SLC38A10: variants seen among roughly 807,000 people sequenced by gnomAD.
SLC38A10 encodes the protein Sodium-coupled neutral amino acid transporter 10.
Under a neutral mutation model 81.0 loss-of-function variants are expected in SLC38A10, and 53 were observed. The observed-to-expected ratio is 0.65, with a 90% CI of 0.53 to 0.82. The LOEUF (loss-of-function observed/expected upper bound fraction) is 0.82. SLC38A10 is among the 40% of genes least tolerant of loss of function. The pLI is 0.00. For synonymous variants in SLC38A10, 665 were observed against 655.3 expected (o/e 1.01, Z -0.23); for missense variants, 1,471 against 1,545.0 (o/e 0.95, Z 0.80).
chr17:81,247,264 G>T, intron 14 of SLC38A10: 1 of 486,204 alleles, frequency 2.1e-6, no homozygotes, highest in Non-Finnish European at 3.4e-6. Context: ...GGGCCCGGGA[G>T]AGGCTGCGCC....
chr17:81,255,104 G>A (rs778217160), intron 11 of SLC38A10, among the ~76,000 whole-genome samples: 9 of 152,250 alleles, frequency 5.9e-5, no homozygotes, highest in Non-Finnish European at 1.2e-4. Flanking sequence ...GGTGAGCCGG[G>A]AGCTGCCCCA....
At chr17:81,285,537 T>C (rs1331100512) in intron 2 of SLC38A10, 1 of 152,152 alleles carries the variant, frequency 6.6e-6, no homozygotes, top group East Asian at 1.9e-4. Flanking sequence ...GAGCCGCCAT[T>C]CTCTCCGCCC....
intron 14 of SLC38A10, chr17:81,251,243 T>C: frequency 1.4e-6 from 2 of 1,459,474 alleles, no homozygotes; most frequent in Non-Finnish European, 1.8e-6. Flanking sequence ...GATAAAACGG[T>C]AATCACAAGC....
Position 81,264,739 on chromosome 17 carries a change from T to G in SLC38A10, c.1132-4345A>C, listed in dbSNP as rs1279677045. 2.0e-5 allele frequency: 3 copies of G among 152,306 alleles called. No homozygotes were observed. In the East Asian group the frequency reaches 5.8e-4, roughly 29 times the overall value. The allele number at this position is 152,306 out of a possible 1,614,324, so 9.4% of individuals were successfully genotyped here. A position where few individuals can be genotyped will look rare whatever the true frequency, so the allele number is the denominator to read the frequency against. ...GATTTGGGTCTCAGGGCAGCCCAGC[T>G]GGCATCCAGGCACCACCCAGCAAGG... On this transcript the variant is annotated intron_variant, in intron 10 of 15. Transcript: ENST00000374759.
At chr17:81,282,041 A>G (rs2063217262) in intron 5 of SLC38A10, 148 bp downstream of exon 5, 3 of 1,206,650 alleles carry the variant, frequency 2.5e-6, no homozygotes, top group Non-Finnish European at 3.6e-6. Context: ...GATGAATGGC[A>G]CTTCCTGGTA....
chr17:81,250,839 A>G, intron 14 of SLC38A10: 2 of 1,016,448 alleles, frequency 2.0e-6, no homozygotes, highest in Non-Finnish European at 2.4e-6. Flanking sequence ...GGTCGCAAAA[A>G]GCCAACAGCT....
chr17:81,293,504 T>G (rs957836226), intron 1 of SLC38A10, among the ~76,000 whole-genome samples: 3 of 152,058 alleles, frequency 2.0e-5, no homozygotes, highest in African/African-American at 7.2e-5. Context: ...TGGGGTACTG[T>G]TGTGTTGCCC....
chr17:81,294,720 A>G, intron 1 of SLC38A10, 103 bp downstream of exon 1: 1 of 1,072,620 alleles, frequency 9.3e-7, no homozygotes, highest in Non-Finnish European at 1.3e-6. Flanking sequence ...GCACCCGCCC[A>G]GCGAAGCCCT....
chr17:81,247,038 C>A lies in SLC38A10; in HGVS notation c.2089G>T (p.Asp697Tyr). ...ATCACCTGAAGCAGGACGGCGTGGT[C>A]CAGCATCTCCGCCCTGCCAGCTTCT... ...LEEAGRAEML[D>Y]HAVLLQVIKE... Residue 697 changes from aspartate to tyrosine, a missense_variant, in exon 15 of 16, where the codon GAC becomes TAC. Around this residue, in one of 2 missense-constraint regions of SLC38A10, gnomAD observed 751 missense variants for 717.4 expected, o/e 1.05. Transcript: ENST00000374759. 1.3e-6 allele frequency: 2 copies of A among 1,593,384 alleles called. No individual in the cohort carries two copies. The highest frequency in any genetic ancestry group is 1.1e-5 in the South Asian group (1 of 90,466).
At chr17:81,291,135 CG>C (rs1313076713) in intron 1 of SLC38A10, among the ~76,000 whole-genome samples, 2 of 152,080 alleles carry the variant, frequency 1.3e-5, no homozygotes, top group Non-Finnish European at 2.9e-5. Context: ...GTGAGGGGGG[CG>C]GGGGCGCTGC....
At chr17:81,293,399 T>C (rs1055735122) in intron 1 of SLC38A10, among the ~76,000 whole-genome samples, 1 of 152,116 alleles carries the variant, frequency 6.6e-6, no homozygotes, top group Non-Finnish European at 1.5e-5. Flanking sequence ...TCACCAACCA[T>C]ATCAGGCAAA....
chr17:81,246,850 G>A (rs2062856853), intron 15 of SLC38A10, 35 bp downstream of exon 15: 1 of 1,554,472 alleles, frequency 6.4e-7, no homozygotes, highest in East Asian at 2.3e-5. Flanking sequence ...CCCCCTGCCT[G>A]GCCCCACCCC....
chr17:81,277,136 G>A lies in SLC38A10; in HGVS notation c.627-3C>T, dbSNP rs376571865. ...TGTCGTAGGTGGGCAGCACCTGGCT[G>A]TATAGAAACAGGCCATTTCACAGCG... On this transcript the variant is annotated splice_region_variant and splice_polypyrimidine_tract_variant and intron_variant, in intron 6 of 15. Coordinates refer to ENST00000374759, the MANE Select transcript of SLC38A10 (RefSeq NM_001037984.3). The surrounding 1 kb of genome is among the most constrained non-coding windows in gnomAD (Gnocchi z 4.5). 3.1e-6 allele frequency: 5 copies of A among 1,613,626 alleles called. No individual in the cohort carries two copies. Among genetic ancestry groups the A allele is most frequent in the Non-Finnish European group, 3.4e-6 (4 of 1,179,764 alleles).
chr17:81,270,820 A>C lies in SLC38A10; in HGVS notation c.1131+98T>G. ...GGTTTTAAGTTTCTTGATAGAACCC[A>C]TCTGAAAACGCTGAACCAGGGGCTT... On this transcript the variant is annotated intron_variant, in intron 10 of 15. Transcript: ENST00000374759. The surrounding 1 kb of genome is among the most constrained non-coding windows in gnomAD (Gnocchi z 4.0). The C allele has an allele frequency of 1.0e-6, 1 of 993,666 alleles. No individual in the cohort carries two copies. The highest frequency in any genetic ancestry group is 1.5e-6 in the Non-Finnish European group (1 of 651,006). 61.6% of individuals were successfully genotyped at this position (993,666 alleles called of 1,614,324 possible). A position where few individuals can be genotyped will look rare whatever the true frequency, so the allele number is the denominator to read the frequency against.
At chr17:81,292,206 C>G (rs1213902587) in intron 1 of SLC38A10, among the ~76,000 whole-genome samples, 1 of 152,054 alleles carries the variant, frequency 6.6e-6, no homozygotes, top group Non-Finnish European at 1.5e-5. Context: ...TGGCTCACTG[C>G]AAGCTCCACT....
intron 10 of SLC38A10, 49 bp from the exon 11 acceptor site, chr17:81,260,443 C>T (rs1286132286): frequency 6.4e-7 from 1 of 1,566,258 alleles, no homozygotes; most frequent in Non-Finnish European, 8.7e-7. Flanking sequence ...GGCCCCCGCC[C>T]CTGCCCAGGG....
At chr17:81,284,268 G>A (rs555874197) in intron 3 of SLC38A10, among the ~76,000 whole-genome samples, 33 of 152,142 alleles carry the variant, frequency 2.2e-4, no homozygotes, top group Non-Finnish European at 3.8e-4. Flanking sequence ...TGAGGCAGGA[G>A]AATCGCTTAA....
rs1279252830 is a variant in SLC38A10 at position 81,283,337 on chromosome 17, G to A, written c.357+72C>T. The A allele has an allele frequency of 5.0e-6, 7 of 1,403,286 alleles. No homozygotes were observed. In the Admixed American group the frequency reaches 9.4e-5, roughly 19 times the overall value. 86.9% of individuals were successfully genotyped at this position (1,403,286 alleles called of 1,614,324 possible). A position where few individuals can be genotyped will look rare whatever the true frequency, so the allele number is the denominator to read the frequency against. On this transcript the variant is annotated intron_variant, in intron 4 of 15. Coordinates refer to ENST00000374759, the MANE Select transcript of SLC38A10 (RefSeq NM_001037984.3). This position sits in a 1 kb window ranked among gnomAD's most constrained non-coding sequence, Gnocchi z 4.7. ...ACCAGCACCCAGGTCTCGGTCCTCG[G>A]GAGGATCCCACAGAGGGCCTCAGAG...
chr17:81,278,665 A>G (rs1349045704), intron 6 of SLC38A10, among the ~76,000 whole-genome samples: 1 of 152,198 alleles, frequency 6.6e-6, no homozygotes, highest in African/African-American at 2.4e-5. Flanking sequence ...CAGCTACAGA[A>G]GAAGGCCATG....
Sources: allele counts gnomAD v4.1 joint callset (sites outside exome capture counted in the v4.1 genomes callset), GRCh38; gene constraint gnomAD v4.1.1; regional missense constraint gnomAD v4.1.1; non-coding constraint Gnocchi (gnomAD v3.1); transcripts MANE v1.5; gene names NCBI Gene and HGNC (gene_info 2026-07-23, HGNC 2026-07-21).